PARM1: variants seen among roughly 807,000 people sequenced by gnomAD.
The protein encoded by PARM1 is WSC4, cell wall integrity and stress response component 4 homolog.
In PARM1, 14 loss-of-function variants were observed where a neutral mutation model predicts 24.6. The ratio of observed to expected loss-of-function variants is 0.57; its 90% CI spans 0.38 to 0.89. The LOEUF (loss-of-function observed/expected upper bound fraction) is 0.89, where lower values mean the gene tolerates loss of function less well. Ranked by LOEUF, PARM1 falls within the 40% of genes least tolerant of loss-of-function variation. PARM1 has a pLI of 0.00. For missense variants in PARM1, 362 were observed against 380.4 expected (o/e 0.95, Z 0.40); for synonymous variants, 179 against 156.6 (o/e 1.14, Z -1.07).
At chr4:75,043,769 G>A (rs1460265335) in intron 3 of PARM1, among the ~76,000 whole-genome samples, 1 of 152,178 alleles carries the variant, frequency 6.6e-6, no homozygotes, top group Non-Finnish European at 1.5e-5. Flanking sequence ...TTTGGGGAGA[G>A]TGTTGGCCAT....
chr4:75,036,314 A>G (rs1030427691), intron 3 of PARM1, among the ~76,000 whole-genome samples: 1 of 152,204 alleles, frequency 6.6e-6, no homozygotes, highest in Admixed American at 6.5e-5. Context: ...CACACTGGCT[A>G]TAGGCAGGCA....
chr4:75,000,315 A>G (rs1283893451), intron 1 of PARM1, among the ~76,000 whole-genome samples: 1 of 152,062 alleles, frequency 6.6e-6, no homozygotes, highest in Non-Finnish European at 1.5e-5. Context: ...TTTATATTGC[A>G]AGTTATGGGA....
chr4:75,013,847 A>G (rs1722928339), intron 2 of PARM1, among the ~76,000 whole-genome samples: 1 of 152,198 alleles, frequency 6.6e-6, no homozygotes, highest in Non-Finnish European at 1.5e-5. Context: ...TTGTTTTGTA[A>G]TCTTGGAAAT....
intron 1 of PARM1, among the ~76,000 whole-genome samples, chr4:74,963,770 C>T (rs1220722647): frequency 6.6e-6 from 1 of 151,614 alleles, no homozygotes; most frequent in Non-Finnish European, 1.5e-5. Flanking sequence ...TTAATGCCAC[C>T]CAATTAAGCT....
chr4:75,023,420 C>T (rs112118797), intron 2 of PARM1, among the ~76,000 whole-genome samples: 9 of 152,168 alleles, frequency 5.9e-5, no homozygotes, highest in Non-Finnish European at 8.8e-5. Context: ...ACTACATAAA[C>T]GTTAGCTATT....
intron 2 of PARM1, among the ~76,000 whole-genome samples, chr4:75,014,833 T>G (rs1722951195): frequency 6.6e-6 from 1 of 152,106 alleles, no homozygotes; most frequent in African/African-American, 2.4e-5. Context: ...ACTTAAAACA[T>G]TGAGCTTGAA....
chr4:75,034,157 G>C (rs1723326722), intron 3 of PARM1, among the ~76,000 whole-genome samples, 196 bp downstream of exon 3: 1 of 152,134 alleles, frequency 6.6e-6, no homozygotes, highest in Admixed American at 6.5e-5. Context: ...CCTTGGCAAA[G>C]TAGAAGAAGC....
At chr4:75,027,085 T>C (rs1013449561) in intron 2 of PARM1, among the ~76,000 whole-genome samples, 5 of 152,050 alleles carry the variant, frequency 3.3e-5, no homozygotes, top group Admixed American at 1.3e-4. Flanking sequence ...CCAAGACTGC[T>C]CCAGACTTTA....
At chr4:74,969,557 T>G (rs1380021064) in intron 1 of PARM1, 1 of 152,086 alleles carries the variant, frequency 6.6e-6, no homozygotes, top group Non-Finnish European at 1.5e-5. Context: ...TGAGGAGAGC[T>G]AAAGGGCCCA....
intron 1 of PARM1, among the ~76,000 whole-genome samples, chr4:74,971,817 C>T (rs1449356904): frequency 6.6e-6 from 1 of 152,110 alleles, no homozygotes; most frequent in African/African-American, 2.4e-5. Context: ...CTTTTCCCAG[C>T]CTAGTCTAGA....
chr4:74,970,888 C>T (rs1668003244), intron 1 of PARM1, among the ~76,000 whole-genome samples: 1 of 152,096 alleles, frequency 6.6e-6, no homozygotes, highest in Non-Finnish European at 1.5e-5. Context: ...AATCAGGGGC[C>T]TAGTATGAGT....
At chr4:75,006,840 A>G (rs184817282) in intron 1 of PARM1, among the ~76,000 whole-genome samples, 33 of 152,336 alleles carry the variant, frequency 2.2e-4, no homozygotes, top group Admixed American at 2.1e-3. Context: ...TAAAACACCA[A>G]AAGCAATGGC....
Position 75,042,823 on chromosome 4 carries a change from C to T in PARM1, c.849-3340C>T, listed in dbSNP as rs143413170. 7.9e-5 allele frequency among the ~76,000 whole-genome samples: 12 copies of T among 152,024 alleles called. No individual in the cohort carries two copies. In the East Asian group the frequency reaches 1.9e-3, roughly 24 times the overall value. ...ACACCCAATTTTTCCTGTTTAAGCT[C>T]GTTAATGTGGTAAATAAGCCCTATG... On this transcript the variant is annotated intron_variant, in intron 3 of 3. Coordinates refer to ENST00000307428, the MANE Select transcript of PARM1 (RefSeq NM_015393.4).
intron 1 of PARM1, among the ~76,000 whole-genome samples, chr4:74,952,464 T>C (rs776725115): frequency 9.2e-5 from 14 of 152,248 alleles, no homozygotes; most frequent in Non-Finnish European, 1.5e-4. Context: ...TGGTCAATTT[T>C]GGCTTTTGTT....
intron 1 of PARM1, chr4:74,997,754 G>A (rs1722602281): frequency 6.6e-6 from 1 of 152,192 alleles, no homozygotes; most frequent in African/African-American, 2.4e-5. Context: ...GATGAAGCAT[G>A]TGTATATTTG....
chr4:75,043,401 A>T (rs1016631083), intron 3 of PARM1, among the ~76,000 whole-genome samples: 4 of 152,210 alleles, frequency 2.6e-5, no homozygotes, highest in African/African-American at 9.6e-5. Flanking sequence ...CCTCCTAACA[A>T]CCATAAAGCA....
intron 2 of PARM1, among the ~76,000 whole-genome samples, chr4:75,020,994 TG>T (rs1308240188): frequency 6.6e-6 from 1 of 152,224 alleles, no homozygotes; most frequent in East Asian, 1.9e-4. Context: ...TGTGTTTATT[TG>T]TTCATTGTCT....
Position 75,012,743 on chromosome 4 carries a change from C to G in PARM1, c.362C>G (p.Thr121Arg). Residue 121 changes from threonine (T) to arginine (R), a missense_variant, in exon 2 of 4, where the codon ACG becomes AGG. Transcript: ENST00000307428. ...STSGGVHLTT[T>R]LEEHSSGTPE... ...AGCGGTGGAGTCCACTTAACAACCA[C>G]GTTGGAGGAACACAGCTCGGGCACT... 1 of 1,613,946 alleles carries G rather than the reference C, an allele frequency of 6.2e-7. No individual in the cohort carries two copies. Among genetic ancestry groups the G allele is most frequent in the Non-Finnish European group, 8.5e-7 (1 of 1,179,844 alleles).
chr4:74,982,566 C>T lies in PARM1; in HGVS notation c.44-29859C>T, dbSNP rs58291295. Among the ~76,000 whole-genome samples the T allele has an allele frequency of 4.4e-3, 675 of 152,260 alleles. 2 individuals carry two copies. The highest frequency in any genetic ancestry group is 0.015 in the African/African-American group (627 of 41,544). ...TTTTAGTAGCAACTTCCTCTTCTCA[C>T]CACCCAAAGATCACCACTGTTCTTG... On this transcript the variant is annotated intron_variant, in intron 1 of 3. Coordinates refer to ENST00000307428, the MANE Select transcript of PARM1 (RefSeq NM_015393.4).
Sources: gnomAD v4.1 joint callset for allele counts (sites outside exome capture counted in the v4.1 genomes callset) on GRCh38, gnomAD v4.1.1 for gene constraint, MANE v1.5 for transcripts, NCBI Gene and HGNC (gene_info 2026-07-23, HGNC 2026-07-21) for gene names.